The following SFTPD variants were observed in gnomAD, a reference collection of about 807,000 sequenced individuals.
SFTPD encodes pulmonary surfactant-associated protein D.
Under a neutral mutation model 34.6 loss-of-function variants are expected in SFTPD, and 18 were observed. That is an observed-to-expected ratio of 0.52 (90% CI 0.36 to 0.77). The LOEUF (loss-of-function observed/expected upper bound fraction) is 0.77. Ranked by LOEUF, SFTPD falls within the 30% of genes least tolerant of loss-of-function variation. SFTPD has a pLI of 0.00. For synonymous variants in SFTPD, 155 were observed against 180.9 expected (o/e 0.86, Z 1.15); for missense variants, 433 against 468.9 (o/e 0.92, Z 0.71).
upstream of SFTPD, chr10:79,950,006 T>C (rs1380111482): frequency 6.6e-6 from 1 of 151,904 alleles, no homozygotes; most frequent in Non-Finnish European, 1.5e-5. Flanking sequence ...CCTGGCTAAT[T>C]TCTCTTTTTA....
chr10:79,943,188 C>A (rs754211707), intron 2 of SFTPD, among the ~76,000 whole-genome samples: 2 of 152,148 alleles, frequency 1.3e-5, no homozygotes, highest in African/African-American at 4.8e-5. Flanking sequence ...TACCTGTGAT[C>A]ATGGACTTCT....
chr10:79,974,267 A>T (rs1411037181), intron 1 of SFTPD, among the ~76,000 whole-genome samples: 1 of 151,972 alleles, frequency 6.6e-6, no homozygotes, highest in Non-Finnish European at 1.5e-5. Flanking sequence ...TCCTGAGTTG[A>T]CGCCATTCTC....
intron 1 of SFTPD, among the ~76,000 whole-genome samples, chr10:79,958,693 T>A (rs1842754256): frequency 6.6e-6 from 1 of 152,116 alleles, no homozygotes; most frequent in Non-Finnish European, 1.5e-5. Context: ...ACAATAATAA[T>A]GGGAGACTTT....
chr10:79,965,491 CA>C (rs1212816464), intron 1 of SFTPD, among the ~76,000 whole-genome samples: 1 of 150,644 alleles, frequency 6.6e-6, no homozygotes, highest in African/African-American at 2.5e-5. Context: ...TACCACCCTC[CA>C]AAATTTTCAC....
intron 1 of SFTPD, among the ~76,000 whole-genome samples, chr10:79,975,905 C>G (rs183238533): frequency 1.1e-4 from 16 of 152,346 alleles, no homozygotes; most frequent in African/African-American, 3.8e-4. Context: ...TTAAGAATGC[C>G]TTTAAGCGGT....
At chr10:79,982,000 C>T (rs1842893492) in intron 1 of SFTPD, 2 of 303,622 alleles carry the variant, frequency 6.6e-6, no homozygotes. Context: ...CCTCGCCCAC[C>T]TCCCCAGGAA....
intron 1 of SFTPD, among the ~76,000 whole-genome samples, chr10:79,955,504 A>T (rs192845555): frequency 6.6e-6 from 1 of 152,300 alleles, no homozygotes; most frequent in African/African-American, 2.4e-5. Context: ...GTTCTGCAAA[A>T]TCTTGAAGCT....
intron 1 of SFTPD, chr10:79,973,263 G>GT (rs1341375580): frequency 6.6e-6 from 1 of 151,634 alleles, no homozygotes; most frequent in African/African-American, 2.4e-5. Flanking sequence ...TTCTATTTTT[G>GT]TAACTTCCAA....
In SFTPD at chr10:79,938,175, C is replaced by G; in HGVS notation, c.805G>C (p.Gly269Arg). The change falls in exon 8 of 8, where the codon GGC (glycine) becomes CGC (arginine). Residue 269 changes from glycine to arginine, a missense_variant. By Grantham distance (125) the Gly-to-Arg change is moderately radical. Transcript: ENST00000372292. ...GCCTCCGTAAATGGTTTTACAAAGCCTGCTGTCTTGAAAATCTTCTCCCCG... is the reference window on the plus strand; with the variant it reads ...GCCTCCGTAAATGGTTTTACAAAGCGTGCTGTCTTGAAAATCTTCTCCCCG... ...SVGEKIFKTA[G>R]FVKPFTEAQL... 6.2e-7 allele frequency: 1 copy of G among 1,605,686 alleles called. No individual in the cohort carries two copies. Among genetic ancestry groups the G allele is most frequent in the Non-Finnish European group, 8.5e-7 (1 of 1,172,902 alleles).
chr10:79,964,100 T>C (rs145046765), intron 1 of SFTPD, among the ~76,000 whole-genome samples: 66 of 152,232 alleles, frequency 4.3e-4, no homozygotes, highest in African/African-American at 1.5e-3. Context: ...CCCCCTCCAC[T>C]ACCTCTCAGC....
intron 1 of SFTPD, among the ~76,000 whole-genome samples, chr10:79,964,555 C>T (rs978468704): frequency 6.6e-5 from 10 of 152,162 alleles, no homozygotes; most frequent in Non-Finnish European, 1.2e-4. Flanking sequence ...CTCCTTCCAG[C>T]CTCACAGGCC....
intron 1 of SFTPD, among the ~76,000 whole-genome samples, chr10:79,965,829 G>A (rs1390440844): frequency 4.2e-5 from 2 of 47,750 alleles, no homozygotes; most frequent in Non-Finnish European, 7.2e-5. Context: ...GAGAATATGC[G>A]GTGTTTGGTT....
intron 1 of SFTPD, among the ~76,000 whole-genome samples, chr10:79,980,227 G>T (rs1385635452): frequency 6.6e-6 from 1 of 151,960 alleles, no homozygotes; most frequent in Non-Finnish European, 1.5e-5. Flanking sequence ...AGGGACTCCT[G>T]CTTGAGGAAA....
In SFTPD at chr10:79,946,480, C is replaced by A. The variant is rs1398232945; in HGVS notation, c.180G>T (p.Arg60=). The A allele has an allele frequency of 6.2e-7, 1 of 1,613,966 alleles. No homozygotes were observed. Among genetic ancestry groups the A allele is most frequent in the Non-Finnish European group, 8.5e-7 (1 of 1,179,902 alleles). ...CCCTACCTGGGTCCCCCTTCTCGCC[C>A]CGAGGGCCCTCTCTCCCATCCCGTC... is the stretch of plus-strand genomic sequence containing the variant. The part of the protein sequence containing the change: ...RDGRDGREGP[R]GEKGDPGLPG... Residue 60 remains arginine, a synonymous_variant, in exon 2 of 8, where the codon CGG becomes CGT. Coordinates refer to ENST00000372292, the MANE Select transcript of SFTPD (RefSeq NM_003019.5).
chr10:79,977,740 G>A (rs1842870632), intron 1 of SFTPD, among the ~76,000 whole-genome samples: 1 of 152,204 alleles, frequency 6.6e-6, no homozygotes, highest in Admixed American at 6.5e-5. Flanking sequence ...CTAAGGAGTT[G>A]TTACAGATTT....
upstream of SFTPD, among the ~76,000 whole-genome samples, chr10:79,953,850 C>A (rs1181708633): frequency 6.6e-6 from 1 of 151,800 alleles, no homozygotes; most frequent in Non-Finnish European, 1.5e-5. Context: ...CTTTTTTATT[C>A]TTTTTTTCTT....
upstream of SFTPD, among the ~76,000 whole-genome samples, chr10:79,952,020 G>A (rs1046318693): frequency 2.0e-5 from 3 of 152,218 alleles, no homozygotes; most frequent in Admixed American, 2.0e-4. Context: ...TTGTCCCGGA[G>A]CTTGTGACCT....
intron 1 of SFTPD, among the ~76,000 whole-genome samples, chr10:79,974,137 C>T (rs1015171609): frequency 1.2e-4 from 18 of 152,052 alleles, no homozygotes; most frequent in Non-Finnish European, 2.2e-4. Context: ...GTTTTATTCT[C>T]AATTATACCC....
At chr10:79,939,176 T>A (rs1842587460) in intron 7 of SFTPD, among the ~76,000 whole-genome samples, 1 of 152,232 alleles carries the variant, frequency 6.6e-6, no homozygotes, top group African/African-American at 2.4e-5. Context: ...ACAAAAGCAT[T>A]GCCTGTGTGA....
Sources: gnomAD v4.1 joint callset for allele counts (sites outside exome capture counted in the v4.1 genomes callset) on GRCh38, gnomAD v4.1.1 for gene constraint, MANE v1.5 for transcripts, NCBI Gene and HGNC (gene_info 2026-07-23, HGNC 2026-07-21) for gene names.